CYFIP2: variants seen among roughly 807,000 people sequenced by gnomAD.
CYFIP2 encodes cytoplasmic FMR1 interacting protein 2.
Under a neutral mutation model 158.7 loss-of-function variants are expected in CYFIP2, and 29 were observed. That is an observed-to-expected ratio of 0.18 (90% CI 0.14 to 0.25). CYFIP2 has a LOEUF of 0.25. Ranked by LOEUF, CYFIP2 falls within the 10% of genes least tolerant of loss-of-function variation. The probability of loss-of-function intolerance (pLI) is 1.00; values close to 1 mark genes in which losing one functional copy is unlikely to be tolerated. For synonymous variants in CYFIP2, 585 were observed against 617.6 expected (o/e 0.95, Z 0.78); for missense variants, 852 against 1,639.5 (o/e 0.52, Z 8.29).
At chr5:157,276,833 A>G (rs1756582712) in intron 1 of CYFIP2, among the ~76,000 whole-genome samples, 1 of 152,138 alleles carries the variant, frequency 6.6e-6, no homozygotes, top group Non-Finnish European at 1.5e-5. Context: ...GTTCATTACT[A>G]TGTTTTTTAT....
intron 23 of CYFIP2, among the ~76,000 whole-genome samples, chr5:157,358,784 G>A (rs989906214): frequency 1.3e-4 from 20 of 152,206 alleles, no homozygotes; most frequent in African/African-American, 4.8e-4. Context: ...ATCCTCTTCT[G>A]CTAGGGAGTG....
chr5:157,330,126 C>G (rs1437193714), intron 19 of CYFIP2, among the ~76,000 whole-genome samples: 1 of 152,122 alleles, frequency 6.6e-6, no homozygotes, highest in Non-Finnish European at 1.5e-5. Flanking sequence ...TTTGGACTTC[C>G]TAACTCCAAA....
intron 26 of CYFIP2, among the ~76,000 whole-genome samples, chr5:157,373,136 C>G (rs1323923602): frequency 6.6e-6 from 1 of 152,136 alleles, no homozygotes; most frequent in Non-Finnish European, 1.5e-5. Flanking sequence ...CAACTTTGAC[C>G]CACAAGGCTC....
chr5:157,293,858 G>A (rs911008090), intron 3 of CYFIP2, among the ~76,000 whole-genome samples: 2 of 152,050 alleles, frequency 1.3e-5, no homozygotes, highest in Admixed American at 6.5e-5. Flanking sequence ...AGTTTGGTGG[G>A]CATGGGGCTA....
intron 26 of CYFIP2, chr5:157,362,610 C>T (rs901003191): frequency 6.6e-6 from 1 of 152,224 alleles, no homozygotes. Context: ...CTCCATCTCA[C>T]TCATTAGATA....
At chr5:157,293,915 A>G (rs1248521440) in intron 3 of CYFIP2, among the ~76,000 whole-genome samples, 2 of 152,096 alleles carry the variant, frequency 1.3e-5, no homozygotes, top group Non-Finnish European at 2.9e-5. Flanking sequence ...GAGTGTGGAA[A>G]ACAGGCCTCA....
chr5:157,342,879 G>T lies in CYFIP2; in HGVS notation c.2673+1722G>T, dbSNP rs778027094. ...CCCCACTCTCATTCCCCACAATGAG[G>T]CAGTATAGCGGGTGGGTCACCACCC... On this transcript the variant is annotated intron_variant, in intron 23 of 30. Transcript: ENST00000620254. The T allele has an allele frequency of 3.7e-6, 6 of 1,612,856 alleles. No homozygotes were observed. The East Asian group carries it at 1.3e-4, about 36-fold the overall frequency.
At chr5:157,299,881 A>G (rs1758595754) in intron 5 of CYFIP2, among the ~76,000 whole-genome samples, 2 of 152,200 alleles carry the variant, frequency 1.3e-5, no homozygotes, top group African/African-American at 4.8e-5. Flanking sequence ...CAGCCTGGGT[A>G]ACAGTGAAAC....
chr5:157,322,851 T>G, intron 15 of CYFIP2: 4 of 1,274,310 alleles, frequency 3.1e-6, no homozygotes, highest in Non-Finnish European at 3.3e-6. Flanking sequence ...ACCTCTTGCT[T>G]TTCTCTCTCT....
chr5:157,344,459 G>T (rs1307766068), intron 23 of CYFIP2, among the ~76,000 whole-genome samples: 1 of 152,152 alleles, frequency 6.6e-6, no homozygotes, highest in Admixed American at 6.5e-5. Flanking sequence ...CTAATGCAAG[G>T]CTGCCGGGTT....
At chr5:157,285,290 T>G (rs1757286774) in intron 1 of CYFIP2, 49 bp from the exon 2 acceptor site, 2 of 1,332,588 alleles carry the variant, frequency 1.5e-6, no homozygotes, top group Non-Finnish European at 2.1e-6. Flanking sequence ...TAAGAGGAAT[T>G]TTAGAGGCCC....
At chr5:157,390,258 G>T (rs17599222) in intron 29 of CYFIP2, among the ~76,000 whole-genome samples, 77,875 of 151,338 alleles carry the variant, frequency 0.51, 20,393 homozygotes, top group East Asian at 0.8. Context: ...AATTCAGAGC[G>T]TCTTTAGAGC....
chr5:157,292,646 C>T (rs577041357), intron 3 of CYFIP2, among the ~76,000 whole-genome samples: 14 of 152,262 alleles, frequency 9.2e-5, no homozygotes, highest in Non-Finnish European at 1.8e-4. Context: ...GATGGACATT[C>T]GAGTTATTGG....
chr5:157,362,450 A>AAGTT (rs1336845535), intron 26 of CYFIP2, among the ~76,000 whole-genome samples: 6 of 152,268 alleles, frequency 3.9e-5, no homozygotes, highest in African/African-American at 1.4e-4. Context: ...CTGTTGTTTT[A>AAGTT]AGTTAGTTAC....
At chr5:157,390,690 GC>G in intron 30 of CYFIP2, 22 bp downstream of exon 30, 1 of 1,575,974 alleles carries the variant, frequency 6.3e-7, no homozygotes, top group Non-Finnish European at 8.6e-7. Flanking sequence ...GGTGGCTAAG[GC>G]CTGGGAGGTG....
Position 157,325,557 on chromosome 5 carries a change from G to A in CYFIP2, c.1901G>A (p.Arg634Gln), listed in dbSNP as rs1467738313. 3.1e-6 allele frequency: 5 copies of A among 1,613,286 alleles called. No individual in the cohort carries two copies. Among genetic ancestry groups the A allele is most frequent in the East Asian group, 4.5e-5 (2 of 44,856 alleles). The change falls in exon 17 of 31, where the codon CGA (arginine) becomes CAA (glutamine). Residue 634 changes from arginine (R) to glutamine (Q), a missense_variant. By Grantham distance (43) the Arg-to-Gln change is conservative. Transcript: ENST00000620254. ...TTCCTGGAGTTAACCATGGGCCGAC[G>A]AATCCAGTTCCCCATCGAGATGTCC... ...EFFLELTMGR[R>Q]IQFPIEMSMP...
chr5:157,294,315 G>A (rs1758073802), intron 3 of CYFIP2, among the ~76,000 whole-genome samples: 1 of 152,226 alleles, frequency 6.6e-6, no homozygotes, highest in Non-Finnish European at 1.5e-5. Context: ...TTGGAGGTTA[G>A]AAGCAAGATG....
At chr5:157,342,683 G>A (rs1280630994) in intron 23 of CYFIP2, 3 of 604,690 alleles carry the variant, frequency 5.0e-6, no homozygotes, top group Non-Finnish European at 8.4e-6. Flanking sequence ...GCATACCCTG[G>A]GGGATACATT....
intron 26 of CYFIP2, chr5:157,364,146 T>C (rs1004739213): frequency 8.0e-6 from 1 of 124,888 alleles, no homozygotes; most frequent in African/African-American, 3.0e-5. Context: ...TAGGGATAAA[T>C]AGGAACAACT....
Sources: allele counts gnomAD v4.1 joint callset (sites outside exome capture counted in the v4.1 genomes callset), GRCh38; gene constraint gnomAD v4.1.1; transcripts MANE v1.5; gene names NCBI Gene and HGNC (gene_info 2026-07-23, HGNC 2026-07-21).